Variants in PI4K2A observed in about 807,000 individuals in gnomAD.
PI4K2A encodes phosphatidylinositol 4-kinase type 2 alpha, also known as phosphatidylinositol 4-kinase type 2-alpha.
Under a neutral mutation model 55.0 loss-of-function variants are expected in PI4K2A, and 20 were observed. The ratio of observed to expected loss-of-function variants is 0.36; its 90% CI spans 0.26 to 0.53. The LOEUF (loss-of-function observed/expected upper bound fraction) is 0.53, where lower values mean the gene tolerates loss of function less well. Among genes scored for constraint, PI4K2A ranks in the 20% least tolerant of loss-of-function variants. The pLI, the probability that PI4K2A is intolerant of heterozygous loss-of-function variation, is 0.91. For missense variants in PI4K2A, 463 were observed against 637.1 expected, an observed-to-expected ratio of 0.73 and a Z score of 2.94; for synonymous variants, 235 against 258.5, an observed-to-expected ratio of 0.91 and a Z score of 0.87.
Position 97,651,152 on chromosome 10 carries a change from C to T in PI4K2A, c.636+11C>T. On this transcript the variant is annotated intron_variant, in intron 2 of 8. Coordinates refer to ENST00000370631, the Ensembl canonical transcript of PI4K2A. ...GTTCCCCGTACAAAGGTCAGTGACCCATCTCCAGGAAGCCTTACTGCCTGG... is the reference window on the plus strand; with the variant it reads ...GTTCCCCGTACAAAGGTCAGTGACCTATCTCCAGGAAGCCTTACTGCCTGG... 6.2e-7 allele frequency: 1 copy of T among 1,607,950 alleles called. No individual in the cohort carries two copies. The highest frequency in any genetic ancestry group is 8.5e-7 in the Non-Finnish European group (1 of 1,175,968).
chr10:97,640,943 C>T, exon 1 of PI4K2A: 1 of 1,392,508 alleles, frequency 7.2e-7, no homozygotes, highest in Non-Finnish European at 9.2e-7. Flanking sequence ...GGGCCCGGGG[C>T]GCGGCGGCCC....
chr10:97,657,720 G>T (rs765046609), intron 4 of PI4K2A, among the ~76,000 whole-genome samples: 7 of 150,780 alleles, frequency 4.6e-5, no homozygotes, highest in Non-Finnish European at 1.0e-4. Flanking sequence ...TATTTTGTCC[G>T]ATATTTTAAT....
chr10:97,664,997 A>AC lies in PI4K2A; in HGVS notation c.1084+14dup. 6.5e-7 allele frequency: 1 copy of AC among 1,535,206 alleles called. No homozygotes were observed. The highest frequency in any genetic ancestry group is 9.0e-7 in the Non-Finnish European group (1 of 1,108,490). Reference sequence around the variant, plus strand: ...TCCTGGAGGGCATGTAAGTCTCCAGACAATGGTGGTCTGGCTCTTCCCTTG... The same window carrying AC: ...TCCTGGAGGGCATGTAAGTCTCCAGACCAATGGTGGTCTGGCTCTTCCCTTG... On this transcript the variant is annotated intron_variant, in intron 6 of 8. Coordinates refer to ENST00000370631, the Ensembl canonical transcript of PI4K2A.
intron 4 of PI4K2A, among the ~76,000 whole-genome samples, chr10:97,657,668 CA>C (rs35230006): frequency 1.5e-3 from 177 of 121,948 alleles, no homozygotes; most frequent in Non-Finnish European, 1.8e-3. Context: ...ACTCTGTTTC[CA>C]AAAAAAAAAA....
At chr10:97,658,253 A>C (rs184625140) in intron 4 of PI4K2A, among the ~76,000 whole-genome samples, 7 of 152,076 alleles carry the variant, frequency 4.6e-5, no homozygotes, top group Non-Finnish European at 7.4e-5. Flanking sequence ...GATTTTGACT[A>C]CTCTAAGTAC....
At chr10:97,663,926 T>C (rs2041598343) in intron 5 of PI4K2A, among the ~76,000 whole-genome samples, 1 of 151,594 alleles carries the variant, frequency 6.6e-6, no homozygotes. Flanking sequence ...ACTCCTGGGC[T>C]CAAAGCAGTC....
intron 4 of PI4K2A, among the ~76,000 whole-genome samples, chr10:97,657,289 A>C (rs999850062): frequency 6.6e-6 from 1 of 152,140 alleles, no homozygotes; most frequent in Non-Finnish European, 1.5e-5. Context: ...AGATGTTTAG[A>C]TCATTGATAT....
In PI4K2A at chr10:97,667,710, G is replaced by A. The variant is rs1390658097; in HGVS notation, c.1278+590G>A. Reference sequence around the variant, plus strand: ...TTAAACTAATGCTCTCTGTCCTAGAGTTGCTCAAGGCAGGCTGTATGTTTT... The same window carrying A: ...TTAAACTAATGCTCTCTGTCCTAGAATTGCTCAAGGCAGGCTGTATGTTTT... On this transcript the variant is annotated intron_variant, in intron 8 of 8. Coordinates refer to ENST00000370631, the Ensembl canonical transcript of PI4K2A. Among the ~76,000 whole-genome samples the A allele has an allele frequency of 1.3e-5, 2 of 152,204 alleles. 1 individual carries two copies. The highest frequency in any genetic ancestry group is 6.3e-3 in the Middle Eastern group (2 of 316).
intron 1 of PI4K2A, among the ~76,000 whole-genome samples, chr10:97,648,355 G>A (rs533000226): frequency 6.6e-6 from 1 of 152,226 alleles, no homozygotes; most frequent in South Asian, 2.1e-4. Flanking sequence ...GCCTCCCAAA[G>A]TGCTGGGATT....
At chr10:97,654,687 C>T (rs1319345145) in intron 2 of PI4K2A, among the ~76,000 whole-genome samples, 3 of 152,132 alleles carry the variant, frequency 2.0e-5, no homozygotes, top group African/African-American at 2.4e-5. Context: ...AGATGTTCTC[C>T]GCTTCCTCAA....
intron 8 of PI4K2A, among the ~76,000 whole-genome samples, chr10:97,668,614 T>G (rs2041620937): frequency 6.6e-6 from 1 of 152,032 alleles, no homozygotes; most frequent in African/African-American, 2.4e-5. Context: ...ACAGAATTAT[T>G]ATGAGATAAA....
intron 1 of PI4K2A, among the ~76,000 whole-genome samples, chr10:97,647,922 T>TTTTG (rs2135753353): frequency 6.6e-6 from 1 of 151,034 alleles, no homozygotes; most frequent in South Asian, 2.1e-4. Flanking sequence ...TTGCTTTTTT[T>TTTTG]TTGTTGTTGT....
At chr10:97,640,688 G>A in exon 1 of PI4K2A, 4 of 1,296,730 alleles carry the variant, frequency 3.1e-6, no homozygotes, top group Admixed American at 3.0e-5. Flanking sequence ...ATTGGTCGCG[G>A]CCGCGAGCGC....
At chr10:97,641,208 G>C in intron 1 of PI4K2A, 31 bp downstream of exon 1, 2 of 1,548,244 alleles carry the variant, frequency 1.3e-6, no homozygotes, top group South Asian at 2.3e-5. Flanking sequence ...CGCCGCCGCG[G>C]GCTGAGGGCC....
intron 1 of PI4K2A, among the ~76,000 whole-genome samples, chr10:97,642,877 C>CTT (rs1410228339): frequency 8.5e-6 from 1 of 117,836 alleles, no homozygotes; most frequent in Admixed American, 8.6e-5. Context: ...TTCTTTCTTT[C>CTT]TTTCTTTCTT....
intron 1 of PI4K2A, among the ~76,000 whole-genome samples, chr10:97,647,648 A>G (rs780300549): frequency 6.6e-6 from 1 of 152,210 alleles, no homozygotes; most frequent in Admixed American, 6.5e-5. Flanking sequence ...TGAGGCTTAC[A>G]CTTAGTCCTG....
chr10:97,673,472 G>T, intron 8 of PI4K2A, 109 bp from the exon 9 acceptor site: 3 of 801,924 alleles, frequency 3.7e-6, no homozygotes, highest in Non-Finnish European at 5.8e-6. Context: ...ATTTTCCATT[G>T]GTATTTTAAA....
At chr10:97,670,924 G>A (rs2041631706) in intron 8 of PI4K2A, among the ~76,000 whole-genome samples, 1 of 152,036 alleles carries the variant, frequency 6.6e-6, no homozygotes, top group African/African-American at 2.4e-5. Flanking sequence ...GATCACCTGA[G>A]GTTGGGAGTT....
At chr10:97,666,713 C>A in intron 7 of PI4K2A, 142 bp downstream of exon 7, 1 of 716,412 alleles carries the variant, frequency 1.4e-6, no homozygotes, top group Non-Finnish European at 2.3e-6. Flanking sequence ...AAGATTTCCA[C>A]ATGTGGACAG....
Sources: allele counts gnomAD v4.1 joint callset (sites outside exome capture counted in the v4.1 genomes callset), GRCh38; gene constraint gnomAD v4.1.1; transcripts MANE v1.5; gene names NCBI Gene and HGNC (gene_info 2026-07-23, HGNC 2026-07-21).